The following ACTR3C variants were observed in gnomAD, a reference collection of about 807,000 sequenced individuals.
The protein encoded by ACTR3C is actin-related protein 3C.
Under a neutral mutation model 26.3 loss-of-function variants are expected in ACTR3C, and 18 were observed. The observed-to-expected ratio is 0.68, with a 90% CI of 0.47 to 1.01. The LOEUF is 1.01. ACTR3C is among the 50% of genes least tolerant of loss of function. The probability of loss-of-function intolerance (pLI) is 0.00; values close to 1 mark genes in which losing one functional copy is unlikely to be tolerated. For synonymous variants in ACTR3C, 55 were observed against 94.5 expected (o/e 0.58, Z 2.42); for missense variants, 184 against 250.7 (o/e 0.73, Z 1.80).
chr7:150,198,185 G>A, the ACTR3C span, among the ~76,000 whole-genome samples: 5 of 149,724 alleles, frequency 3.3e-5, no homozygotes, highest in Non-Finnish European at 5.9e-5. Context: ...GCGTGATCTC[G>A]GCTCACTACA....
intron 1 of ACTR3C, among the ~76,000 whole-genome samples, chr7:150,307,623 C>T (rs531902842): frequency 2.0e-5 from 3 of 152,290 alleles, no homozygotes; most frequent in African/African-American, 2.4e-5. Context: ...AGACTCAGTC[C>T]GCCTGCACCC....
chr7:150,005,887 A>G, the ACTR3C span, among the ~76,000 whole-genome samples: 13 of 152,246 alleles, frequency 8.5e-5, no homozygotes, highest in African/African-American at 3.1e-4. Flanking sequence ...CAGGGTTACA[A>G]GAAATGCATT....
At chr7:150,042,215 C>G in the ACTR3C span, among the ~76,000 whole-genome samples, 1 of 17,534 alleles carries the variant, frequency 5.7e-5, no homozygotes, top group Non-Finnish European at 1.1e-4. Flanking sequence ...AGGGTAGCAA[C>G]AGCCGGGGGT....
At chr7:150,227,653 T>G in the ACTR3C span, among the ~76,000 whole-genome samples, 1 of 151,274 alleles carries the variant, frequency 6.6e-6, no homozygotes, top group Non-Finnish European at 1.5e-5. Context: ...ACATTTTCAG[T>G]TAATTTTCAT....
chr7:150,266,321 T>C (rs887068738), intron 6 of ACTR3C, among the ~76,000 whole-genome samples: 15 of 148,522 alleles, frequency 1.0e-4, no homozygotes, highest in African/African-American at 3.6e-4. Context: ...GATACTTCAA[T>C]AGGGAAATAA....
At chr7:150,208,054 G>A in the ACTR3C span, among the ~76,000 whole-genome samples, 5 of 152,098 alleles carry the variant, frequency 3.3e-5, no homozygotes, top group Admixed American at 2.0e-4. Context: ...AACATATTTC[G>A]AGACACTGGA....
intron 6 of ACTR3C, among the ~76,000 whole-genome samples, chr7:150,261,741 T>G: frequency 6.6e-6 from 1 of 152,200 alleles, no homozygotes; most frequent in Non-Finnish European, 1.5e-5. Flanking sequence ...ACCTTTAGAG[T>G]CCCAGTGAGA....
At chr7:150,233,406 T>C in the ACTR3C span, among the ~76,000 whole-genome samples, 1 of 150,144 alleles carries the variant, frequency 6.7e-6, no homozygotes, top group African/African-American at 2.5e-5. Context: ...TTCTCCTGTT[T>C]ACTGTTCTCT....
At chr7:150,275,983 C>A (rs568515276) in intron 6 of ACTR3C, among the ~76,000 whole-genome samples, 2 of 151,958 alleles carry the variant, frequency 1.3e-5, no homozygotes, top group South Asian at 4.2e-4. Flanking sequence ...CTCAATAGCC[C>A]GCAACCTTAC....
chr7:150,039,446 C>T, the ACTR3C span, among the ~76,000 whole-genome samples: 1 of 64,326 alleles, frequency 1.6e-5, no homozygotes, highest in African/African-American at 4.6e-5. Flanking sequence ...GCCTCCCCCC[C>T]TGCGATGGGG....
the ACTR3C span, among the ~76,000 whole-genome samples, chr7:150,069,028 G>T: frequency 6.6e-6 from 1 of 152,174 alleles, no homozygotes. Context: ...CAGCTCTGTT[G>T]CTTGAGTGTC....
At chr7:150,206,381 A>G in the ACTR3C span, among the ~76,000 whole-genome samples, 2 of 152,060 alleles carry the variant, frequency 1.3e-5, no homozygotes, top group Non-Finnish European at 2.9e-5. Flanking sequence ...TTCAAATAGG[A>G]GAGAAGAGAC....
At chr7:150,043,954 G>A in the ACTR3C span, among the ~76,000 whole-genome samples, 12 of 152,296 alleles carry the variant, frequency 7.9e-5, no homozygotes, top group African/African-American at 2.9e-4. Context: ...GGTTGTCGAA[G>A]ACATAGCGGA....
At chr7:150,254,581 C>A (rs1467717483) in intron 6 of ACTR3C, among the ~76,000 whole-genome samples, 1 of 152,216 alleles carries the variant, frequency 6.6e-6, no homozygotes, top group African/African-American at 2.4e-5. Flanking sequence ...ACACCAGACT[C>A]ATCACCTGTG....
the ACTR3C span, among the ~76,000 whole-genome samples, chr7:150,022,014 T>A: frequency 6.6e-6 from 1 of 151,826 alleles, no homozygotes; most frequent in Non-Finnish European, 1.5e-5. Context: ...AAATGGTAGA[T>A]CTACTTTTAG....
the ACTR3C span, among the ~76,000 whole-genome samples, chr7:150,051,379 CACACACA>C: frequency 4.0e-5 from 1 of 25,046 alleles, no homozygotes; most frequent in Non-Finnish European, 1.0e-4. Flanking sequence ...CCCTTATCCA[CACACACA>C]CACACACACA....
the ACTR3C span, among the ~76,000 whole-genome samples, chr7:150,047,023 G>C: frequency 6.6e-6 from 1 of 151,900 alleles, no homozygotes; most frequent in African/African-American, 2.4e-5. Context: ...CAGTATTTTG[G>C]TATTTTTTTT....
chr7:150,153,245 T>G, the ACTR3C span, among the ~76,000 whole-genome samples: 1 of 152,040 alleles, frequency 6.6e-6, no homozygotes, highest in Non-Finnish European at 1.5e-5. Flanking sequence ...ACTAAACAGC[T>G]TCTGCACAGC....
the ACTR3C span, among the ~76,000 whole-genome samples, chr7:150,039,712 C>A: frequency 1.3e-4 from 18 of 136,008 alleles, no homozygotes; most frequent in Admixed American, 4.5e-4. Flanking sequence ...GGAAGAGGGT[C>A]TGGCTCTCAG....
Sources: gnomAD v4.1 joint callset for allele counts (sites outside exome capture counted in the v4.1 genomes callset) on GRCh38, gnomAD v4.1.1 for gene constraint, MANE v1.5 for transcripts, NCBI Gene and HGNC (gene_info 2026-07-23, HGNC 2026-07-21) for gene names.